Variants in DNAH14 observed in about 807,000 individuals in gnomAD.
DNAH14 encodes axonemal beta dynein heavy chain 14.
Under a neutral mutation model 520.9 loss-of-function variants are expected in DNAH14, and 478 were observed. That is an observed-to-expected ratio of 0.92 (90% CI 0.85 to 0.99). The LOEUF is 0.99. Ranked by LOEUF, DNAH14 falls within the 50% of genes least tolerant of loss-of-function variation. The pLI is 0.00. For synonymous variants in DNAH14, 1,581 were observed against 1,757.2 expected, an observed-to-expected ratio of 0.90 and a Z score of 2.51; for missense variants, 4,831 against 5,234.5, an observed-to-expected ratio of 0.92 and a Z score of 2.38.
chr1:225,019,470 G>A (rs1002891433), intron 10 of DNAH14, among the ~76,000 whole-genome samples: 5 of 152,124 alleles, frequency 3.3e-5, no homozygotes, highest in Admixed American at 2.0e-4. Context: ...CGCAATAATA[G>A]TGGTGGACTT....
chr1:225,346,089 C>A lies in DNAH14; in HGVS notation c.10806C>A (p.Asn3602Lys). ...GTGAAATCCAAGCAATACGTAAAAA[C>A]TATCTCCCCATTGCGACCCGAGGCG... Reference protein sequence around the residue: ...AESEIQAIRKNYLPIATRGAL... With the variant: ...AESEIQAIRKKYLPIATRGAL... The change falls in exon 70 of 86, where the codon AAC (asparagine) becomes AAA (lysine). Residue 3602 changes from asparagine to lysine, a missense_variant. Transcript: ENST00000682510. 1 of 1,551,678 alleles carries A rather than the reference C, an allele frequency of 6.4e-7. No individual in the cohort carries two copies. The highest frequency in any genetic ancestry group is 1.2e-5 in the South Asian group (1 of 84,056).
chr1:225,346,207 G>A lies in DNAH14; in HGVS notation c.10924G>A (p.Val3642Ile), dbSNP rs1483811849. The change falls in exon 70 of 86, where the codon GTA becomes ATA. Residue 3642 changes from valine to isoleucine, a missense_variant. Val to Ile is a conservative substitution (Grantham distance 29). Coordinates refer to ENST00000682510, the MANE Select transcript of DNAH14 (RefSeq NM_001367479.1). ...GTTTCATCAGGTTTTTGTTTCATCA[G>A]TAGTTTCCAAAAGCAAAGAACAAGA... Reference protein sequence around the residue: ...DWFHQVFVSSVVSKSKEQEHS... With the variant: ...DWFHQVFVSSIVSKSKEQEHS... 10 of 1,551,520 alleles carry A rather than the reference G, an allele frequency of 6.4e-6. No homozygotes were observed. The highest frequency in any genetic ancestry group is 8.7e-6 in the Non-Finnish European group (10 of 1,146,962).
chr1:225,270,898 A>T, intron 50 of DNAH14, 32 bp downstream of exon 50: 1 of 1,534,582 alleles, frequency 6.5e-7, no homozygotes, highest in Non-Finnish European at 8.8e-7. Flanking sequence ...CTACTGAAAA[A>T]AATTAATTCC....
intron 17 of DNAH14, among the ~76,000 whole-genome samples, chr1:225,053,254 C>A (rs1358469961): frequency 6.6e-6 from 1 of 151,584 alleles, no homozygotes; most frequent in African/African-American, 2.4e-5. Context: ...ACTGACATCA[C>A]GAAATGGGGA....
intron 28 of DNAH14, among the ~76,000 whole-genome samples, chr1:225,142,938 T>A (rs941603822): frequency 9.9e-5 from 15 of 152,004 alleles, no homozygotes; most frequent in African/African-American, 3.6e-4. Flanking sequence ...ATAAATAAAT[T>A]AATTTAATTT....
At chr1:225,137,941 G>C (rs1357413407) in intron 27 of DNAH14, among the ~76,000 whole-genome samples, 2 of 152,190 alleles carry the variant, frequency 1.3e-5, no homozygotes, top group African/African-American at 4.8e-5. Context: ...AGAGATCTCT[G>C]TCCACAGAAC....
intron 30 of DNAH14, 48 bp downstream of exon 30, chr1:225,145,427 C>A: frequency 7.5e-7 from 1 of 1,336,598 alleles, no homozygotes; most frequent in Admixed American, 2.7e-5. Flanking sequence ...ACACATAAAA[C>A]ATAAAACAAT....
At position 225,019,884 on chromosome 1, in the gene DNAH14, G is replaced by C. The variant is rs529805926; in HGVS notation, c.1108-3731G>C. 2.0e-5 allele frequency among the ~76,000 whole-genome samples: 3 copies of C among 152,078 alleles called. No homozygotes were observed. In the East Asian group the frequency reaches 5.8e-4, roughly 29 times the overall value. ...GATGAAGAGGAAAGTTTATAGTGCT[G>C]TACACCTACCTCAAGAAGTTAGAAA... On this transcript the variant is annotated intron_variant, in intron 10 of 85. Coordinates refer to ENST00000682510, the MANE Select transcript of DNAH14 (RefSeq NM_001367479.1).
At position 225,204,228 on chromosome 1, in the gene DNAH14, A is replaced by AT; in HGVS notation, c.5937dup (p.Glu1980Ter). 1 of 1,491,956 alleles carries AT rather than the reference A, an allele frequency of 6.7e-7. No homozygotes were observed. The highest frequency in any genetic ancestry group is 1.4e-5 in the South Asian group (1 of 72,458). 92.4% of individuals were successfully genotyped at this position (1,491,956 alleles called of 1,614,324 possible). ...TGATACAACAGAGACTGATGATAAT[A>AT]TTTTTGAGGAGATAGAGAAAGTTGT... On this transcript the variant is annotated frameshift_variant, in exon 39 of 86. Transcript: ENST00000682510. LOFTEE classifies it high-confidence loss of function.
intron 59 of DNAH14, 42 bp from the exon 60 acceptor site, chr1:225,308,243 T>A (rs2094289549): frequency 6.6e-7 from 1 of 1,504,918 alleles, no homozygotes; most frequent in East Asian, 2.5e-5. Flanking sequence ...AGAGATCATG[T>A]CTCTTAAAAT....
intron 46 of DNAH14, 80 bp from the exon 47 acceptor site, chr1:225,264,117 C>A: frequency 1.7e-6 from 2 of 1,180,250 alleles, no homozygotes; most frequent in African/African-American, 1.6e-5. Context: ...TCACAATATG[C>A]TGTTACTTTT....
intron 36 of DNAH14, among the ~76,000 whole-genome samples, chr1:225,172,095 T>C (rs1312088002): frequency 6.6e-6 from 1 of 152,054 alleles, no homozygotes; most frequent in African/African-American, 2.4e-5. Flanking sequence ...CTCAATAAGG[T>C]ATTGATGGGA....
At chr1:225,281,090 AAC>A (rs1391622092) in intron 54 of DNAH14, among the ~76,000 whole-genome samples, 1 of 152,214 alleles carries the variant, frequency 6.6e-6, no homozygotes, top group Non-Finnish European at 1.5e-5. Context: ...CTGCCTATGA[AAC>A]ACATTGCAAA....
At chr1:225,064,692 C>T (rs1019190783) in intron 17 of DNAH14, among the ~76,000 whole-genome samples, 1 of 151,936 alleles carries the variant, frequency 6.6e-6, no homozygotes, top group Non-Finnish European at 1.5e-5. Flanking sequence ...TCCATGTACT[C>T]ATATATGAAA....
intron 66 of DNAH14, among the ~76,000 whole-genome samples, chr1:225,335,844 T>A (rs1387614044): frequency 1.0e-5 from 1 of 95,260 alleles, no homozygotes; most frequent in Non-Finnish European, 2.1e-5. Context: ...TATATGTACA[T>A]ACACATATGT....
chr1:225,201,852 G>A (rs1326284877), intron 38 of DNAH14, among the ~76,000 whole-genome samples: 1 of 151,330 alleles, frequency 6.6e-6, no homozygotes, highest in Non-Finnish European at 1.5e-5. Context: ...CTCCTGCCAG[G>A]AGGTAGCACT....
chr1:225,035,400 C>T (rs1035508459), intron 11 of DNAH14, among the ~76,000 whole-genome samples: 1 of 151,966 alleles, frequency 6.6e-6, no homozygotes, highest in Non-Finnish European at 1.5e-5. Flanking sequence ...AGTTTCCTTG[C>T]TCTGATCTTT....
At chr1:225,091,613 G>A (rs950308281) in intron 21 of DNAH14, among the ~76,000 whole-genome samples, 1 of 151,962 alleles carries the variant, frequency 6.6e-6, no homozygotes, top group Non-Finnish European at 1.5e-5. Context: ...GACTACTACT[G>A]ATCATTAAAA....
Position 225,043,908 on chromosome 1 carries a change from C to A in DNAH14, c.1837C>A (p.Leu613Ile). ...TAGATTTCCAGAATTTCCTACAAAT[C>A]TCTTTATAGATCCCAACAGATTGGA... ...YYEFPEFPTN[L>I]FIDPNRLEFS... Residue 613 changes from leucine to isoleucine, a missense_variant, in exon 15 of 86, where the codon CTC becomes ATC. Physicochemically the swap from Leu to Ile is conservative, Grantham distance 5. Transcript: ENST00000682510. The A allele has an allele frequency of 6.5e-7, 1 of 1,527,338 alleles. No homozygotes were observed. The highest frequency in any genetic ancestry group is 8.9e-7 in the Non-Finnish European group (1 of 1,129,832). The allele number at this position is 1,527,338 out of a possible 1,614,324, so 94.6% of individuals were successfully genotyped here.
Sources: gnomAD v4.1 joint callset for allele counts (sites outside exome capture counted in the v4.1 genomes callset) on GRCh38, gnomAD v4.1.1 for gene constraint, MANE v1.5 for transcripts, NCBI Gene and HGNC (gene_info 2026-07-23, HGNC 2026-07-21) for gene names.